The following DLGAP2 variants were observed in gnomAD, a reference collection of about 807,000 sequenced individuals.
The protein encoded by DLGAP2 is disks large-associated protein 2.
In DLGAP2, 26 loss-of-function variants were observed where a neutral mutation model predicts 100.3. The observed-to-expected ratio is 0.26, with a 90% CI of 0.19 to 0.36. DLGAP2 has a LOEUF of 0.36. DLGAP2 is among the 10% of genes least tolerant of loss of function. DLGAP2 has a pLI of 1.00. For synonymous variants in DLGAP2, 886 were observed against 630.1 expected, an observed-to-expected ratio of 1.41 and a Z score of -6.08; for missense variants, 1,858 against 1,453.2, an observed-to-expected ratio of 1.28 and a Z score of -4.53.
At chr8:1,303,124 G>A (rs62483948) in intron 3 of DLGAP2, among the ~76,000 whole-genome samples, 12,725 of 152,216 alleles carry the variant, frequency 0.084, 700 homozygotes, top group South Asian at 0.19. Flanking sequence ...GGGGTGGGGC[G>A]CGGTGGCTCA....
chr8:1,076,822 C>A (rs1187862312), intron 2 of DLGAP2, among the ~76,000 whole-genome samples: 1 of 62,724 alleles, frequency 1.6e-5, no homozygotes, highest in Non-Finnish European at 3.4e-5. Flanking sequence ...TGTCCCAGGC[C>A]CCCCCCCAAG....
chr8:1,256,032 C>CGGGTGCTGTGTGTGTGTCCTCTCCTGCCT (rs1799201661), intron 2 of DLGAP2, among the ~76,000 whole-genome samples: 2 of 72,780 alleles, frequency 2.7e-5, no homozygotes. Flanking sequence ...CTCTCCTGCC[C>CGGGTGCTGTGTGTGTGTCCTCTCCTGCCT]GGGTGCTGTG....
chr8:1,506,378 C>A (rs891066397), intron 4 of DLGAP2, among the ~76,000 whole-genome samples: 1 of 152,132 alleles, frequency 6.6e-6, no homozygotes, highest in African/African-American at 2.4e-5. Context: ...AAGCTGTGGA[C>A]CTTTTGGGTG....
intron 1 of DLGAP2, among the ~76,000 whole-genome samples, chr8:805,746 G>T (rs1411199267): frequency 6.6e-6 from 1 of 152,146 alleles, no homozygotes; most frequent in Non-Finnish European, 1.5e-5. Flanking sequence ...GACTACTCCT[G>T]AGCCCAAGCA....
At chr8:871,387 C>T (rs1024177697) in intron 1 of DLGAP2, among the ~76,000 whole-genome samples, 10 of 152,208 alleles carry the variant, frequency 6.6e-5, no homozygotes, top group Non-Finnish European at 1.2e-4. Context: ...GTTCTAAGAA[C>T]GAGTTTTGTC....
chr8:1,599,574 T>C (rs976489192), intron 6 of DLGAP2, among the ~76,000 whole-genome samples: 1 of 152,198 alleles, frequency 6.6e-6, no homozygotes, highest in African/African-American at 2.4e-5. Context: ...TGAGTGCATA[T>C]ATATTTAGGA....
In DLGAP2 at chr8:1,202,894, C is replaced by T. The variant is rs118083754; in HGVS notation, c.74-55957C>T. The stretch of plus-strand genomic sequence containing the variant: ...TCAGCCGCTGCCCACCGACCAGCCA[C>T]GCCTCTTCAAGGCGCACGCATTTTT... On this transcript the variant is annotated intron_variant, in intron 2 of 14. Transcript: ENST00000637795. 8.2e-4 allele frequency among the ~76,000 whole-genome samples: 125 copies of T among 152,362 alleles called. 2 individuals carry two copies. The East Asian group carries it at 0.022, about 27-fold the overall frequency.
At chr8:1,048,729 G>T (rs770087739) in intron 2 of DLGAP2, among the ~76,000 whole-genome samples, 1 of 151,912 alleles carries the variant, frequency 6.6e-6, no homozygotes, top group Admixed American at 6.6e-5. Context: ...CTGGGGCTGC[G>T]GTGGGCCTAG....
chr8:906,498 C>T (rs1798383401), intron 1 of DLGAP2, among the ~76,000 whole-genome samples: 1 of 152,302 alleles, frequency 6.6e-6, no homozygotes, highest in East Asian at 1.9e-4. Flanking sequence ...GGCAGATCTG[C>T]GAGGAGCCCT....
intron 2 of DLGAP2, among the ~76,000 whole-genome samples, chr8:1,059,014 C>G (rs1032707852): frequency 6.6e-6 from 1 of 152,190 alleles, no homozygotes; most frequent in African/African-American, 2.4e-5. Context: ...GCCATAGCAG[C>G]GTCTGCTTCT....
At position 1,341,875 on chromosome 8, in the gene DLGAP2, A is replaced by C. The variant is rs540264376; in HGVS notation, c.106+82992A>C. On this transcript the variant is annotated intron_variant, in intron 3 of 14. Transcript: ENST00000637795. ...TATGGGAGCTGAAATCAGTTCATGC[A>C]CTGTGGGATTCTAGCCTGCGGGTGA... 1.2e-4 allele frequency among the ~76,000 whole-genome samples: 19 copies of C among 152,290 alleles called. No individual in the cohort carries two copies. The South Asian group carries it at 3.9e-3, about 32-fold the overall frequency.
chr8:1,343,702 G>T, intron 3 of DLGAP2, among the ~76,000 whole-genome samples: 1 of 128,520 alleles, frequency 7.8e-6, no homozygotes, highest in East Asian at 2.5e-4. Context: ...TTTGCATCTG[G>T]GGGGTCGTGG....
chr8:1,158,748 C>T (rs754124408), intron 2 of DLGAP2, among the ~76,000 whole-genome samples: 22 of 152,192 alleles, frequency 1.4e-4, no homozygotes, highest in Non-Finnish European at 3.1e-4. Flanking sequence ...CTGGTGGCTC[C>T]GAGTCACACA....
intron 1 of DLGAP2, among the ~76,000 whole-genome samples, chr8:823,985 C>A (rs768401440): frequency 3.9e-5 from 6 of 152,208 alleles, no homozygotes; most frequent in Non-Finnish European, 7.3e-5. Flanking sequence ...ACATTTGTCA[C>A]GTCCCCTAAC....
At chr8:911,652 G>A (rs1167277139) in intron 2 of DLGAP2, among the ~76,000 whole-genome samples, 1 of 150,976 alleles carries the variant, frequency 6.6e-6, no homozygotes, top group African/African-American at 2.4e-5. Context: ...GAAGGATGCT[G>A]GAGAATGTTG....
chr8:1,621,233 A>G (rs958580133), intron 6 of DLGAP2: 11 of 152,462 alleles, frequency 7.2e-5, no homozygotes, highest in African/African-American at 2.6e-4. Flanking sequence ...GTTATAGCAA[A>G]GGACGGGTAG....
At chr8:1,126,684 A>T (rs1796173259) in intron 2 of DLGAP2, among the ~76,000 whole-genome samples, 1 of 152,156 alleles carries the variant, frequency 6.6e-6, no homozygotes, top group African/African-American at 2.4e-5. Flanking sequence ...GAGGGCTTTG[A>T]TTAAGAGTCT....
intron 1 of DLGAP2, chr8:739,957 G>A (rs1489249299): frequency 6.6e-6 from 1 of 152,170 alleles, no homozygotes; most frequent in Non-Finnish European, 1.5e-5. Context: ...TCTTCACCGC[G>A]GCAGCTCGGG....
intron 3 of DLGAP2, among the ~76,000 whole-genome samples, chr8:1,437,311 T>A (rs143110063): frequency 2.4e-4 from 37 of 152,288 alleles, no homozygotes; most frequent in African/African-American, 8.2e-4. Context: ...CCATGCGGGT[T>A]TGTATCAGTG....
Sources: allele counts gnomAD v4.1 joint callset (sites outside exome capture counted in the v4.1 genomes callset), GRCh38; gene constraint gnomAD v4.1.1; transcripts MANE v1.5; gene names NCBI Gene and HGNC (gene_info 2026-07-23, HGNC 2026-07-21).